SORCS2: variants seen among roughly 807,000 people sequenced by gnomAD.
SORCS2 encodes the protein VPS10 domain-containing receptor SorCS2.
SORCS2 carries 100 observed loss-of-function variants against 141.6 expected under a neutral mutation model. That is an observed-to-expected ratio of 0.71 (90% CI 0.60 to 0.83). The LOEUF (loss-of-function observed/expected upper bound fraction) is 0.83. SORCS2 is among the 40% of genes least tolerant of loss of function. SORCS2 has a pLI of 0.00. For synonymous variants in SORCS2, 789 were observed against 676.9 expected (o/e 1.17, Z -2.57); for missense variants, 1,646 against 1,560.2 (o/e 1.05, Z -0.93).
intron 1 of SORCS2, among the ~76,000 whole-genome samples, chr4:7,315,748 C>T (rs1354612038): frequency 6.6e-6 from 1 of 152,212 alleles, no homozygotes; most frequent in African/African-American, 2.4e-5. Flanking sequence ...TCCTTGGCTG[C>T]TTCTGCCATC....
At chr4:7,722,657 C>T (rs1577118134) in intron 18 of SORCS2, among the ~76,000 whole-genome samples, 1 of 152,150 alleles carries the variant, frequency 6.6e-6, no homozygotes, top group East Asian at 1.9e-4. Context: ...CACCCTAATC[C>T]AGTATGACCT....
chr4:7,297,329 C>G (rs2108891383), intron 1 of SORCS2, among the ~76,000 whole-genome samples: 1 of 152,318 alleles, frequency 6.6e-6, no homozygotes, highest in South Asian at 2.1e-4. Flanking sequence ...GCCACGCCCC[C>G]TTCTGCCTCT....
At chr4:7,717,919 C>T (rs13117103) in intron 17 of SORCS2, 93 bp from the exon 18 acceptor site, 88 of 1,382,380 alleles carry the variant, frequency 6.4e-5, no homozygotes, top group Non-Finnish European at 8.3e-5. Flanking sequence ...CAAGTGCCAC[C>T]TCTGGGTGGC....
chr4:7,679,971 T>C (rs538351137), intron 9 of SORCS2, among the ~76,000 whole-genome samples: 2 of 152,282 alleles, frequency 1.3e-5, no homozygotes, highest in Admixed American at 1.3e-4. Flanking sequence ...CAAACCATCA[T>C]GGGAAAATCA....
chr4:7,413,258 C>G (rs549540404), intron 2 of SORCS2, among the ~76,000 whole-genome samples: 1 of 152,016 alleles, frequency 6.6e-6, no homozygotes, highest in Non-Finnish European at 1.5e-5. Flanking sequence ...TCATGAGATT[C>G]GAACTATTCA....
At chr4:7,335,761 G>A (rs1354460075) in intron 1 of SORCS2, among the ~76,000 whole-genome samples, 2 of 152,216 alleles carry the variant, frequency 1.3e-5, no homozygotes, top group Non-Finnish European at 2.9e-5. Flanking sequence ...AGACTTGCTC[G>A]GGCTCCCGGC....
At chr4:7,526,682 G>A (rs980778153) in intron 2 of SORCS2, among the ~76,000 whole-genome samples, 1 of 152,164 alleles carries the variant, frequency 6.6e-6, no homozygotes, top group Non-Finnish European at 1.5e-5. Flanking sequence ...TGGTAATGTC[G>A]CGTCAGGGCG....
intron 1 of SORCS2, among the ~76,000 whole-genome samples, chr4:7,325,965 G>A (rs1201808328): frequency 6.6e-6 from 1 of 152,194 alleles, no homozygotes; most frequent in African/African-American, 2.4e-5. Flanking sequence ...ATGTCCCTGA[G>A]TGGAGGGCGT....
chr4:7,676,001 G>A (rs966328995), intron 8 of SORCS2, 49 bp from the exon 9 acceptor site: 3 of 1,542,480 alleles, frequency 1.9e-6, no homozygotes, highest in Non-Finnish European at 2.6e-6. Context: ...CCTCCCTCGT[G>A]CAGCCCCCAG....
chr4:7,319,825 C>T (rs887275470), intron 1 of SORCS2, among the ~76,000 whole-genome samples: 1 of 152,368 alleles, frequency 6.6e-6, no homozygotes, highest in Admixed American at 6.5e-5. Context: ...TAGCAGTTGG[C>T]TTTTATGGAC....
chr4:7,278,802 C>G (rs1715680194), intron 1 of SORCS2, among the ~76,000 whole-genome samples: 1 of 152,210 alleles, frequency 6.6e-6, no homozygotes, highest in African/African-American at 2.4e-5. Flanking sequence ...AGTTGGGATG[C>G]AGGTGCAGAT....
intron 8 of SORCS2, among the ~76,000 whole-genome samples, chr4:7,670,104 C>T (rs1329291014): frequency 6.6e-6 from 1 of 152,172 alleles, no homozygotes; most frequent in Non-Finnish European, 1.5e-5. Flanking sequence ...ATTTGTGTAG[C>T]TTAGTTGCTT....
chr4:7,562,897 T>C (rs1247037572), intron 3 of SORCS2, among the ~76,000 whole-genome samples: 3 of 152,240 alleles, frequency 2.0e-5, no homozygotes, highest in Non-Finnish European at 4.4e-5. Context: ...CCATTGGATT[T>C]AGGGTCTAGC....
At chr4:7,676,901 TCTCTCCCTCTCTCC>T in intron 9 of SORCS2, among the ~76,000 whole-genome samples, 1 of 7,680 alleles carries the variant, frequency 1.3e-4, no homozygotes, top group Admixed American at 1.3e-3. Flanking sequence ...CCTCTCTCTC[TCTCTCCCTCTCTCC>T]CTCTCTCCCT....
At chr4:7,685,688 A>ATATATATATATATATATATAT (rs1553904098) in intron 10 of SORCS2, among the ~76,000 whole-genome samples, 1 of 149,604 alleles carries the variant, frequency 6.7e-6, no homozygotes, top group African/African-American at 2.5e-5. Flanking sequence ...AAAATAAATA[A>ATATATATATATATATATATAT]ATATATATAT....
rs560942908 is a variant in SORCS2 at position 7,474,141 on chromosome 4, G to GC, written c.549-57387dup. On this transcript the variant is annotated intron_variant, in intron 2 of 26. Coordinates refer to ENST00000507866, the MANE Select transcript of SORCS2 (RefSeq NM_020777.3). Reference sequence around the variant, plus strand: ...CCCCGTGTCTCCAGGGCCTCCCAGAGCCTGGCACCTGCTCAGCGCTCAGTA... The same window carrying GC: ...CCCCGTGTCTCCAGGGCCTCCCAGAGCCCTGGCACCTGCTCAGCGCTCAGTA... 3.1e-3 allele frequency among the ~76,000 whole-genome samples: 476 copies of GC among 152,338 alleles called. 4 individuals are homozygous for GC. Among genetic ancestry groups the GC allele is most frequent in the African/African-American group, 0.011 (456 of 41,576 alleles).
chr4:7,308,783 C>G (rs1718001706), intron 1 of SORCS2, among the ~76,000 whole-genome samples: 1 of 152,076 alleles, frequency 6.6e-6, no homozygotes, highest in Non-Finnish European at 1.5e-5. Flanking sequence ...TGTCCTCTCT[C>G]TCTAGCACCC....
rs545485615 is a variant in SORCS2, at chr4:7,231,456, A to G, written c.480+38330A>G. 2.0e-5 allele frequency among the ~76,000 whole-genome samples: 3 copies of G among 152,334 alleles called. No homozygotes were observed. In the South Asian group the frequency reaches 6.2e-4, roughly 32 times the overall value. On this transcript the variant is annotated intron_variant, in intron 1 of 26. Transcript: ENST00000507866. ...GTCAAGTTGGCACATGAAATTAACC[A>G]TCACACCTGGTAATACCATCCACCC...
intron 3 of SORCS2, among the ~76,000 whole-genome samples, chr4:7,533,546 C>A (rs1186341181): frequency 6.6e-6 from 1 of 152,218 alleles, no homozygotes; most frequent in Non-Finnish European, 1.5e-5. Flanking sequence ...ACACTCCGCT[C>A]CTGTCTTTCT....
Sources: gnomAD v4.1 joint callset for allele counts (sites outside exome capture counted in the v4.1 genomes callset) on GRCh38, gnomAD v4.1.1 for gene constraint, MANE v1.5 for transcripts, NCBI Gene and HGNC (gene_info 2026-07-23, HGNC 2026-07-21) for gene names.